Variants in CSMD1 observed in about 807,000 individuals in gnomAD.
The protein encoded by CSMD1 is CUB and sushi domain-containing protein 1.
CSMD1 carries 213 observed loss-of-function variants against 417.5 expected under a neutral mutation model. The ratio of observed to expected loss-of-function variants is 0.51; its 90% CI spans 0.46 to 0.57. The LOEUF is 0.57. Ranked by LOEUF, CSMD1 falls within the 20% of genes least tolerant of loss-of-function variation. The pLI is 0.00. For synonymous variants in CSMD1, 2,862 were observed against 1,736.8 expected (o/e 1.65, Z -16.11); for missense variants, 6,923 against 4,529.7 (o/e 1.53, Z -15.17).
intron 52 of CSMD1, among the ~76,000 whole-genome samples, chr8:3,016,702 T>C (rs954279076): frequency 6.6e-6 from 1 of 152,228 alleles, no homozygotes; most frequent in Non-Finnish European, 1.5e-5. Flanking sequence ...ATATGCTGTA[T>C]CCAATATCTA....
At chr8:3,526,326 T>G (rs563180210) in intron 10 of CSMD1, among the ~76,000 whole-genome samples, 88 of 152,258 alleles carry the variant, frequency 5.8e-4, no homozygotes, top group South Asian at 2.9e-3. Context: ...TATTTTTTTT[T>G]TGTGGAAATT....
intron 49 of CSMD1, among the ~76,000 whole-genome samples, chr8:3,074,932 G>A (rs1283636596): frequency 1.3e-5 from 2 of 152,154 alleles, no homozygotes; most frequent in Admixed American, 6.5e-5. Flanking sequence ...AGTGTTGGAG[G>A]TGGGGCCTGG....
chr8:3,021,981 C>T (rs1809457004), intron 51 of CSMD1, among the ~76,000 whole-genome samples: 1 of 149,438 alleles, frequency 6.7e-6, no homozygotes, highest in African/African-American at 2.5e-5. Context: ...ACCTGCAATC[C>T]CACAGCATCA....
chr8:3,959,091 G>A (rs535097349), intron 5 of CSMD1, among the ~76,000 whole-genome samples: 2 of 152,072 alleles, frequency 1.3e-5, no homozygotes, highest in Non-Finnish European at 2.9e-5. Flanking sequence ...TCTTAACAAC[G>A]CCTCTGTCAC....
chr8:3,886,724 C>T (rs1351461587), intron 5 of CSMD1, among the ~76,000 whole-genome samples: 1 of 152,110 alleles, frequency 6.6e-6, no homozygotes, highest in Admixed American at 6.5e-5. Context: ...TCTAGTGCCT[C>T]TAAGATGGCT....
At chr8:3,033,664 C>A (rs1030064703) in intron 50 of CSMD1, among the ~76,000 whole-genome samples, 1 of 150,154 alleles carries the variant, frequency 6.7e-6, no homozygotes, top group Non-Finnish European at 1.5e-5. Context: ...GATTTAAAAC[C>A]TAGATGACAG....
intron 14 of CSMD1, among the ~76,000 whole-genome samples, chr8:3,406,801 T>C (rs1159613436): frequency 6.6e-6 from 1 of 152,228 alleles, no homozygotes; most frequent in African/African-American, 2.4e-5. Context: ...CCATCTACAG[T>C]GCATTTAAGT....
chr8:4,710,943 C>T (rs1225499841), intron 1 of CSMD1, among the ~76,000 whole-genome samples: 1 of 151,770 alleles, frequency 6.6e-6, no homozygotes, highest in African/African-American at 2.4e-5. Flanking sequence ...AGGACCATGC[C>T]CTATCCTGAG....
chr8:4,465,731 G>T (rs979645960), intron 2 of CSMD1, among the ~76,000 whole-genome samples: 1 of 152,178 alleles, frequency 6.6e-6, no homozygotes, highest in Non-Finnish European at 1.5e-5. Flanking sequence ...GCTGGTGTTT[G>T]GAGGAACTCT....
intron 3 of CSMD1, among the ~76,000 whole-genome samples, chr8:4,149,758 C>T (rs867603317): frequency 1.3e-5 from 2 of 152,178 alleles, no homozygotes; most frequent in Non-Finnish European, 1.5e-5. Context: ...TCCAGCCAGG[C>T]CTTGCTGGAT....
At chr8:3,998,928 A>G (rs1325159118) in intron 4 of CSMD1, among the ~76,000 whole-genome samples, 1 of 148,458 alleles carries the variant, frequency 6.7e-6, no homozygotes, top group Admixed American at 6.8e-5. Context: ...CAAACTATAT[A>G]GTAGTTTATA....
At chr8:4,309,432 T>C (rs1395748409) in intron 3 of CSMD1, among the ~76,000 whole-genome samples, 1 of 151,232 alleles carries the variant, frequency 6.6e-6, no homozygotes, top group African/African-American at 2.5e-5. Flanking sequence ...AAATTCAAAA[T>C]TTTTATAATT....
chr8:4,516,785 T>C (rs1803151373), intron 2 of CSMD1, among the ~76,000 whole-genome samples: 1 of 151,992 alleles, frequency 6.6e-6, no homozygotes, highest in South Asian at 2.1e-4. Flanking sequence ...GTAAAGTTCT[T>C]GTTGACCAAC....
chr8:3,950,246 T>C lies in CSMD1; in HGVS notation c.818+47657A>G, dbSNP rs764120154. Among the ~76,000 whole-genome samples the C allele has an allele frequency of 7.2e-4, 109 of 152,288 alleles. 2 individuals carry two copies. Among genetic ancestry groups the C allele is most frequent in the Non-Finnish European group, 1.1e-3 (77 of 68,032 alleles). The stretch of plus-strand genomic sequence containing the variant: ...TCATGCAGTGGAAGAATTATGATGA[T>C]GAATTAGTAGTTTGATACTTAAACA... On this transcript the variant is annotated intron_variant, in intron 5 of 69. Coordinates refer to ENST00000635120, the MANE Select transcript of CSMD1 (RefSeq NM_033225.6).
intron 2 of CSMD1, among the ~76,000 whole-genome samples, chr8:4,606,340 C>A (rs1376307722): frequency 6.6e-6 from 1 of 151,278 alleles, no homozygotes; most frequent in South Asian, 2.1e-4. Context: ...AGAAAACAGT[C>A]AAGGAAACAG....
intron 3 of CSMD1, among the ~76,000 whole-genome samples, chr8:4,047,775 G>T (rs1464631751): frequency 3.3e-5 from 5 of 151,902 alleles, no homozygotes; most frequent in African/African-American, 7.3e-5. Context: ...ATAGGAATAG[G>T]TAGAGAATGC....
intron 1 of CSMD1, among the ~76,000 whole-genome samples, chr8:4,675,674 T>C (rs149006675): frequency 0.012 from 1,897 of 152,304 alleles, 20 homozygotes; most frequent in Non-Finnish European, 0.017. Flanking sequence ...AATTGAGCTG[T>C]TTAAGTAAAA....
chr8:4,056,924 C>T lies in CSMD1; in HGVS notation c.416-24825G>A, dbSNP rs190898143. 3.3e-5 allele frequency among the ~76,000 whole-genome samples: 5 copies of T among 152,172 alleles called. No individual in the cohort carries two copies. In the South Asian group the frequency reaches 1.0e-3, roughly 32 times the overall value. On this transcript the variant is annotated intron_variant, in intron 3 of 69. Coordinates refer to ENST00000635120, the MANE Select transcript of CSMD1 (RefSeq NM_033225.6). ...AGTATATGTGCCACACTTTCTTAAT[C>T]CAGTTTATCACTGTTGGACATTTGG...
chr8:3,674,089 G>C (rs905211870), intron 7 of CSMD1, among the ~76,000 whole-genome samples: 1 of 151,882 alleles, frequency 6.6e-6, no homozygotes, highest in African/African-American at 2.4e-5. Context: ...TTGAGTGACA[G>C]AGTGAGACTC....
Sources: gnomAD v4.1 joint callset for allele counts (sites outside exome capture counted in the v4.1 genomes callset) on GRCh38, gnomAD v4.1.1 for gene constraint, MANE v1.5 for transcripts, NCBI Gene and HGNC (gene_info 2026-07-23, HGNC 2026-07-21) for gene names.